Variants in RIMS1 observed in about 807,000 individuals in gnomAD.
RIMS1 encodes regulating synaptic membrane exocytosis protein 1.
RIMS1 carries 83 observed loss-of-function variants against 214.1 expected under a neutral mutation model. The observed-to-expected ratio is 0.39, with a 90% confidence interval of 0.32 to 0.47. The LOEUF (loss-of-function observed/expected upper bound fraction) is 0.47. RIMS1 is among the 20% of genes least tolerant of loss of function. The probability of loss-of-function intolerance (pLI) is 0.99; values close to 1 mark genes in which losing one functional copy is unlikely to be tolerated. For synonymous variants in RIMS1, 793 were observed against 786.8 expected (o/e 1.01, Z -0.13); for missense variants, 2,050 against 2,161.8 (o/e 0.95, Z 1.03).
At chr6:71,992,610 CCTT>C (rs34650202) in intron 2 of RIMS1, among the ~76,000 whole-genome samples, 44,423 of 146,302 alleles carry the variant, frequency 0.3, 7,253 homozygotes, top group East Asian at 0.65. Flanking sequence ...TTCTCCTTCT[CCTT>C]CTTCTTCTTC....
rs754554575 is a variant in RIMS1 at position 72,274,414 on chromosome 6, C to T, written c.3464C>T (p.Ala1155Val). The change falls in exon 23 of 34, where the codon GCG becomes GTG. Residue 1155 changes from alanine (A) to valine (V), a missense_variant. By Grantham distance (64) the Ala-to-Val change is moderately conservative (BLOSUM62 0). Coordinates refer to ENST00000521978, the MANE Select transcript of RIMS1 (RefSeq NM_014989.7). Reference sequence around the variant, plus strand: ...AGTCCCAGGATTCAAATCCAGCATGCGTCTCCGGAGAATGACAGGTACTAG... The same window carrying T: ...AGTCCCAGGATTCAAATCCAGCATGTGTCTCCGGAGAATGACAGGTACTAG... Reference protein sequence around the residue: ...PPSPRIQIQHASPENDRHSRK... With the variant: ...PPSPRIQIQHVSPENDRHSRK... The T allele has an allele frequency of 1.3e-5, 21 of 1,612,628 alleles. No individual in the cohort carries two copies. Among genetic ancestry groups the T allele is most frequent in the Middle Eastern group, 3.3e-4 (2 of 6,042 alleles).
intron 1 of RIMS1, among the ~76,000 whole-genome samples, chr6:71,930,824 C>T (rs537022870): frequency 6.6e-6 from 1 of 152,062 alleles, no homozygotes; most frequent in Non-Finnish European, 1.5e-5. Context: ...TGTTTAGATT[C>T]TTTAAGGTAA....
chr6:72,316,790 C>T, intron 28 of RIMS1: 2 of 727,910 alleles, frequency 2.7e-6, no homozygotes, highest in Non-Finnish European at 5.1e-6. Context: ...ACGGTAGACA[C>T]TGGGGACAGT....
At position 72,398,332 on chromosome 6, in the gene RIMS1, G is replaced by C; in HGVS notation, c.4702G>C (p.Gly1568Arg). 1 of 1,600,012 alleles carries C rather than the reference G, an allele frequency of 6.2e-7. No homozygotes were observed. Among genetic ancestry groups the C allele is most frequent in the Non-Finnish European group, 8.5e-7 (1 of 1,173,144 alleles). ...AGCACGAAGCCTCACACAAAAGCCT[G>C]GTTCCAAATCTACACCTGGTAAGGA... ...IRARSLTQKP[G>R]SKSTPAPYVK... is the part of the protein sequence containing the mutation. The change falls in exon 32 of 34, where the codon GGT becomes CGT. Residue 1568 changes from glycine to arginine, a missense_variant. Around this residue, in one of 6 missense-constraint regions of RIMS1, gnomAD observed 121 missense variants for 187.3 expected, o/e 0.65. Coordinates refer to ENST00000521978, the MANE Select transcript of RIMS1 (RefSeq NM_014989.7).
chr6:71,973,067 A>G (rs1168126146), intron 2 of RIMS1, among the ~76,000 whole-genome samples: 1 of 151,922 alleles, frequency 6.6e-6, no homozygotes, highest in African/African-American at 2.4e-5. Context: ...GCGCCACCAC[A>G]CCCAGCTACT....
At chr6:72,196,373 G>GTCTATCTA (rs1554269247) in intron 6 of RIMS1, among the ~76,000 whole-genome samples, 3 of 102,358 alleles carry the variant, frequency 2.9e-5, no homozygotes, top group Admixed American at 1.1e-4. Context: ...CTGTCTGTCT[G>GTCTATCTA]TCTGTCTATC....
chr6:72,342,226 A>G (rs1292083366), intron 29 of RIMS1, among the ~76,000 whole-genome samples: 1 of 151,636 alleles, frequency 6.6e-6, no homozygotes, highest in Non-Finnish European at 1.5e-5. Context: ...TCCACTCTCC[A>G]TTTTGTCATT....
chr6:72,142,075 T>A (rs912683115), intron 4 of RIMS1, among the ~76,000 whole-genome samples: 33 of 152,000 alleles, frequency 2.2e-4, no homozygotes, highest in African/African-American at 8.0e-4. Flanking sequence ...TTGTATGATG[T>A]CCTATAAGAG....
chr6:72,057,793 C>T (rs1826735472), intron 2 of RIMS1, among the ~76,000 whole-genome samples: 1 of 152,202 alleles, frequency 6.6e-6, no homozygotes, highest in African/African-American at 2.4e-5. Flanking sequence ...AGGCGTGAGA[C>T]ACCACGCCCA....
At chr6:72,084,538 A>G (rs1016265810) in intron 2 of RIMS1, among the ~76,000 whole-genome samples, 2 of 152,142 alleles carry the variant, frequency 1.3e-5, no homozygotes, top group Non-Finnish European at 2.9e-5. Context: ...TCTAGGACCC[A>G]ACACATGAGC....
chr6:72,179,507 T>C (rs765788819), intron 4 of RIMS1, 68 bp from the exon 5 acceptor site: 1 of 1,198,800 alleles, frequency 8.3e-7, no homozygotes, highest in South Asian at 1.4e-5. Context: ...TTAAATATAT[T>C]TTAAGATACT....
chr6:72,338,960 A>T (rs1317824317), intron 29 of RIMS1, among the ~76,000 whole-genome samples: 1 of 151,892 alleles, frequency 6.6e-6, no homozygotes, highest in East Asian at 1.9e-4. Context: ...TGGTTAGTAC[A>T]TGCTAGGCAT....
intron 4 of RIMS1, among the ~76,000 whole-genome samples, chr6:72,139,664 A>T (rs1222635838): frequency 6.6e-6 from 1 of 152,144 alleles, no homozygotes. Context: ...ATTATAATAG[A>T]TTTGGTATGA....
intron 6 of RIMS1, among the ~76,000 whole-genome samples, chr6:72,186,823 T>C (rs536981252): frequency 1.3e-5 from 2 of 150,496 alleles, no homozygotes; most frequent in Admixed American, 1.3e-4. Context: ...ATACTATATA[T>C]AGGAACAATT....
chr6:72,009,417 A>G (rs1480325887), intron 2 of RIMS1, among the ~76,000 whole-genome samples: 1 of 152,234 alleles, frequency 6.6e-6, no homozygotes, highest in Admixed American at 6.5e-5. Context: ...TAAAAGAGCT[A>G]GAGAAGCAAA....
chr6:72,324,254 A>T (rs1193674319), intron 28 of RIMS1, among the ~76,000 whole-genome samples: 1 of 152,016 alleles, frequency 6.6e-6, no homozygotes, highest in East Asian at 1.9e-4. Context: ...ACATATGTAG[A>T]CGTGAAAAAT....
intron 27 of RIMS1, among the ~76,000 whole-genome samples, chr6:72,312,959 T>A (rs1007451118): frequency 2.0e-5 from 3 of 152,134 alleles, no homozygotes; most frequent in African/African-American, 7.2e-5. Flanking sequence ...TTTGGTATAT[T>A]TTTTCTATAT....
Position 71,948,034 on chromosome 6 carries a change from A to G in RIMS1, c.165-20949A>G, listed in dbSNP as rs147326725. ...TTATAGGTGAATATATTCAAGGTGG[A>G]TAAATGAATGTGTTCAAGATACTGA... is the stretch of plus-strand genomic sequence containing the variant. On this transcript the variant is annotated intron_variant, in intron 1 of 33. Transcript: ENST00000521978. Among the ~76,000 whole-genome samples the G allele has an allele frequency of 7.9e-3, 1,202 of 152,284 alleles. 15 individuals are homozygous for G. The highest frequency in any genetic ancestry group is 0.027 in the African/African-American group (1,133 of 41,558).
intron 29 of RIMS1, among the ~76,000 whole-genome samples, chr6:72,362,571 A>G (rs1219069551): frequency 6.6e-6 from 1 of 152,216 alleles, no homozygotes; most frequent in Non-Finnish European, 1.5e-5. Context: ...AGCAAACTGC[A>G]TCTCACTTAA....
Sources: allele counts gnomAD v4.1 joint callset (sites outside exome capture counted in the v4.1 genomes callset), GRCh38; gene constraint gnomAD v4.1.1; regional missense constraint gnomAD v4.1.1; transcripts MANE v1.5; gene names NCBI Gene and HGNC (gene_info 2026-07-23, HGNC 2026-07-21).